The following JAK2 variants were observed in gnomAD, a reference collection of about 807,000 sequenced individuals.
The protein encoded by JAK2 is Janus kinase 2.
JAK2 carries 86 observed loss-of-function variants against 139.3 expected under a neutral mutation model. That is an observed-to-expected ratio of 0.62 (90% CI 0.52 to 0.74). The LOEUF (loss-of-function observed/expected upper bound fraction) is 0.74. Ranked by LOEUF, JAK2 falls within the 30% of genes least tolerant of loss-of-function variation. JAK2 has a pLI of 0.00. For synonymous variants in JAK2, 490 were observed against 437.7 expected (o/e 1.12, Z -1.49); for missense variants, 1,421 against 1,360.3 (o/e 1.04, Z -0.70).
At chr9:5,025,538 C>CA (rs370702038) in intron 3 of JAK2, among the ~76,000 whole-genome samples, 1 of 140,352 alleles carries the variant, frequency 7.1e-6, no homozygotes, top group Non-Finnish European at 1.5e-5. Context: ...AGTTTGTTTC[C>CA]TTTTTTTTTT....
At chr9:5,055,462 T>C (rs1299629877) in intron 7 of JAK2, among the ~76,000 whole-genome samples, 2 of 152,060 alleles carry the variant, frequency 1.3e-5, no homozygotes, top group Non-Finnish European at 2.9e-5. Context: ...CCTGGCATCA[T>C]TTAATGCCCT....
In JAK2 at chr9:5,014,923, T is replaced by A. The variant is rs528397249; in HGVS notation, c.-25-7040T>A. On this transcript the variant is annotated intron_variant, in intron 2 of 24. Coordinates refer to ENST00000381652, the MANE Select transcript of JAK2 (RefSeq NM_004972.4). ...TGGGATTAACATTTCCTTGATTTTT[T>A]ATTTTTTTTTTGCGGGGGCGGGGGG... Among the ~76,000 whole-genome samples, 6 of 152,116 alleles carry A rather than the reference T, an allele frequency of 3.9e-5. No homozygotes were observed. In the East Asian group the frequency reaches 5.8e-4, roughly 15 times the overall value.
At chr9:5,106,341 A>T (rs1193169230) in intron 22 of JAK2, among the ~76,000 whole-genome samples, 1 of 152,250 alleles carries the variant, frequency 6.6e-6, no homozygotes, top group East Asian at 1.9e-4. Context: ...TCAAAACCAC[A>T]ATGAGATACC....
chr9:5,002,349 G>A (rs933609456), intron 2 of JAK2, among the ~76,000 whole-genome samples: 2 of 151,620 alleles, frequency 1.3e-5, no homozygotes, highest in Non-Finnish European at 3.0e-5. Context: ...TATCATTCAG[G>A]TGAAAATAAT....
intron 13 of JAK2, 32 bp from the exon 14 acceptor site, chr9:5,073,663 AAAC>A: frequency 1.3e-6 from 2 of 1,498,936 alleles, no homozygotes; most frequent in Non-Finnish European, 1.8e-6. Flanking sequence ...GACAACAGTC[AAAC>A]AACAATTCTT....
intron 4 of JAK2, among the ~76,000 whole-genome samples, chr9:5,038,794 A>G (rs1447780957): frequency 6.6e-6 from 1 of 152,146 alleles, no homozygotes. Context: ...TGTTTATAAA[A>G]AGATGAAATA....
chr9:5,060,978 T>G (rs1274287940), intron 8 of JAK2, among the ~76,000 whole-genome samples: 1 of 152,238 alleles, frequency 6.6e-6, no homozygotes, highest in Non-Finnish European at 1.5e-5. Flanking sequence ...CTTGTACATC[T>G]CTGTCAGAGC....
rs1378295942 is a variant in JAK2 at position 5,029,020 on chromosome 9, C to T, written c.227-763C>T. Among the ~76,000 whole-genome samples the T allele has an allele frequency of 2.6e-5, 4 of 152,200 alleles. No individual in the cohort carries two copies. In the South Asian group the frequency reaches 6.2e-4, roughly 24 times the overall value. Reference sequence around the variant, plus strand: ...TTCTTTGCATTCAGAACTTGATTGACTGGTGCAGGAGGCCTGGCTTTTAGC... The same window carrying T: ...TTCTTTGCATTCAGAACTTGATTGATTGGTGCAGGAGGCCTGGCTTTTAGC... On this transcript the variant is annotated intron_variant, in intron 3 of 24. Coordinates refer to ENST00000381652, the MANE Select transcript of JAK2 (RefSeq NM_004972.4).
At chr9:5,081,619 T>C (rs1819706202) in intron 18 of JAK2, 106 bp from the exon 19 acceptor site, 1 of 705,336 alleles carries the variant, frequency 1.4e-6, no homozygotes, top group Admixed American at 2.6e-5. Context: ...CTGTATCATT[T>C]AGTATTTTTA....
chr9:5,063,096 C>A (rs1013641516), intron 8 of JAK2, among the ~76,000 whole-genome samples: 3 of 151,922 alleles, frequency 2.0e-5, no homozygotes, highest in African/African-American at 7.3e-5. Context: ...ATGCTTGTCT[C>A]TTTATTATAA....
chr9:5,022,797 A>G (rs1001846414), intron 3 of JAK2, among the ~76,000 whole-genome samples: 3 of 152,212 alleles, frequency 2.0e-5, no homozygotes, highest in African/African-American at 4.8e-5. Context: ...TGAGGTTACT[A>G]TAGAGCCTAC....
chr9:5,013,524 AC>A (rs1821840805), intron 2 of JAK2, among the ~76,000 whole-genome samples: 3 of 152,210 alleles, frequency 2.0e-5, no homozygotes, highest in Non-Finnish European at 4.4e-5. Flanking sequence ...AGAAGCACTG[AC>A]CTATCTGAAC....
At chr9:5,101,055 G>A (rs1321278213) in intron 22 of JAK2, 1 of 152,202 alleles carries the variant, frequency 6.6e-6, no homozygotes, top group Admixed American at 6.6e-5. Flanking sequence ...GCCCACAGAG[G>A]GCAAGTTGAA....
At position 5,116,143 on chromosome 9, in the gene JAK2, T is replaced by C. The variant is rs142902109; in HGVS notation, c.3060-6861T>C. ...TATGGATAATCTCATTTAATCCTCA[T>C]AACAACCCTTGGAGAACATGTATGA... On this transcript the variant is annotated intron_variant, in intron 22 of 24. Transcript: ENST00000381652. Among the ~76,000 whole-genome samples, 50 of 152,336 alleles carry C rather than the reference T, an allele frequency of 3.3e-4. No individual in the cohort carries two copies. In the South Asian group the frequency reaches 9.3e-3, roughly 28 times the overall value.
chr9:4,989,076 T>C (rs1461272258), intron 2 of JAK2, among the ~76,000 whole-genome samples: 1 of 152,234 alleles, frequency 6.6e-6, no homozygotes, highest in Non-Finnish European at 1.5e-5. Flanking sequence ...CTCCTTATTA[T>C]AGCATTCCCT....
rs200508497 is a variant in JAK2, at chr9:5,102,496, G to A, written c.3059+11585G>A. Among the ~76,000 whole-genome samples the A allele has an allele frequency of 6.6e-5, 10 of 152,200 alleles. No homozygotes were observed. The East Asian group carries it at 9.6e-4, about 15-fold the overall frequency. ...GGATATTATCCAGGAGAACTTCCCCGACCTACCAAGGCAGGCCAACATTCA... is the reference window on the plus strand; with the variant it reads ...GGATATTATCCAGGAGAACTTCCCCAACCTACCAAGGCAGGCCAACATTCA... On this transcript the variant is annotated intron_variant, in intron 22 of 24. Transcript: ENST00000381652.
rs527982744 is a variant in JAK2, at chr9:5,005,083, ATTTTTTTTTTTTTTTTTTTTTTTTTTTT to A, written c.-25-16858_-25-16831del. Among the ~76,000 whole-genome samples, 57 of 40,034 alleles carry A rather than the reference ATTTTTTTTTTTTTTTTTTTTTTTTTTTT, an allele frequency of 1.4e-3. 1 individual carries two copies. Among genetic ancestry groups the A allele is most frequent in the South Asian group, 4.1e-3 (4 of 966 alleles). 26.3% of individuals were successfully genotyped at this position (40,034 alleles called of 152,430 possible). ...AGGCATGTGCCAGCATGCCTGGCTA[ATTTTTTTTTTTTTTTTTTTTTTTTTTTT>A]TTTTTTTTTTTTTTTTTTTTTAGGT... On this transcript the variant is annotated intron_variant, in intron 2 of 24. Coordinates refer to ENST00000381652, the MANE Select transcript of JAK2 (RefSeq NM_004972.4).
At chr9:5,101,843 G>T (rs1371910694) in intron 22 of JAK2, among the ~76,000 whole-genome samples, 1 of 152,146 alleles carries the variant, frequency 6.6e-6, no homozygotes, top group Non-Finnish European at 1.5e-5. Flanking sequence ...CAAACAGAAA[G>T]GAATAGCATC....
intron 18 of JAK2, 141 bp downstream of exon 18, chr9:5,080,824 T>C (rs1819637889): frequency 1.9e-6 from 1 of 518,608 alleles, no homozygotes; most frequent in Non-Finnish European, 3.3e-6. Context: ...CATATGGCTT[T>C]TCATGCTTTA....
Sources: gnomAD v4.1 joint callset for allele counts (sites outside exome capture counted in the v4.1 genomes callset) on GRCh38, gnomAD v4.1.1 for gene constraint, MANE v1.5 for transcripts, NCBI Gene and HGNC (gene_info 2026-07-23, HGNC 2026-07-21) for gene names.